RAB38: variants seen among roughly 807,000 people sequenced by gnomAD.
RAB38 encodes ras-related protein Rab-38.
In RAB38, 15 loss-of-function variants were observed where a neutral mutation model predicts 18.4. That is an observed-to-expected ratio of 0.82 (90% CI 0.55 to 1.26). The LOEUF (loss-of-function observed/expected upper bound fraction) is 1.26, where lower values mean the gene tolerates loss of function less well. RAB38 is among the 50% of genes most tolerant of loss of function. The probability of loss-of-function intolerance (pLI) is 0.00; values close to 1 mark genes in which losing one functional copy is unlikely to be tolerated. For synonymous variants in RAB38, 101 were observed against 104.4 expected, an observed-to-expected ratio of 0.97 and a Z score of 0.20; for missense variants, 294 against 267.4, an observed-to-expected ratio of 1.10 and a Z score of -0.69.
chr11:88,167,933 G>A (rs1414431898), intron 1 of RAB38, among the ~76,000 whole-genome samples: 1 of 152,152 alleles, frequency 6.6e-6, no homozygotes, highest in Non-Finnish European at 1.5e-5. Context: ...ATCTAAGAAA[G>A]TAACATAAAT....
chr11:88,031,484 T>C, the RAB38 span, among the ~76,000 whole-genome samples: 3 of 151,956 alleles, frequency 2.0e-5, no homozygotes, highest in Non-Finnish European at 4.4e-5. Context: ...AAAACCCCAT[T>C]GTCTCAGCCC....
chr11:88,132,640 G>A (rs1342728264), intron 2 of RAB38, among the ~76,000 whole-genome samples: 2 of 151,912 alleles, frequency 1.3e-5, no homozygotes, highest in African/African-American at 4.8e-5. Flanking sequence ...TGTATTTTTA[G>A]TAGAGATGGG....
chr11:87,951,175 C>T, the RAB38 span, among the ~76,000 whole-genome samples: 1 of 152,222 alleles, frequency 6.6e-6, no homozygotes, highest in Non-Finnish European at 1.5e-5. Flanking sequence ...CAGTTGATCG[C>T]ATCGGCTCCT....
chr11:87,927,215 C>G, the RAB38 span, among the ~76,000 whole-genome samples: 1 of 151,974 alleles, frequency 6.6e-6, no homozygotes, highest in Non-Finnish European at 1.5e-5. Flanking sequence ...TGGCTGTGAG[C>G]TACCTGCAGG....
the RAB38 span, among the ~76,000 whole-genome samples, chr11:87,976,310 A>T: frequency 7.1e-6 from 1 of 140,358 alleles, no homozygotes; most frequent in Admixed American, 7.3e-5. Flanking sequence ...ATATATATAC[A>T]CATATACCAG....
At chr11:87,894,915 A>G in the RAB38 span, among the ~76,000 whole-genome samples, 1 of 151,586 alleles carries the variant, frequency 6.6e-6, no homozygotes, top group Admixed American at 6.6e-5. Context: ...ACTGGGAAGA[A>G]GAAAGGATTA....
the RAB38 span, among the ~76,000 whole-genome samples, chr11:87,966,972 C>G: frequency 6.6e-6 from 1 of 152,226 alleles, no homozygotes; most frequent in Non-Finnish European, 1.5e-5. Flanking sequence ...CCTGTGGAAG[C>G]CTGCCTGGCT....
the RAB38 span, among the ~76,000 whole-genome samples, chr11:88,021,139 A>G: frequency 1.3e-5 from 2 of 152,162 alleles, no homozygotes; most frequent in Non-Finnish European, 2.9e-5. Context: ...AGAAAGTAAT[A>G]CAAAAGATCA....
At chr11:87,845,228 G>T in the RAB38 span, among the ~76,000 whole-genome samples, 2 of 151,986 alleles carry the variant, frequency 1.3e-5, no homozygotes, top group Non-Finnish European at 2.9e-5. Context: ...GAAAATAAAA[G>T]CAAAAGATAG....
chr11:87,858,996 A>G, the RAB38 span, among the ~76,000 whole-genome samples: 1 of 151,922 alleles, frequency 6.6e-6, no homozygotes, highest in East Asian at 1.9e-4. Context: ...CAGACTTAGA[A>G]TAAATAAAAA....
chr11:87,958,257 G>T, the RAB38 span, among the ~76,000 whole-genome samples: 1 of 152,128 alleles, frequency 6.6e-6, no homozygotes, highest in Non-Finnish European at 1.5e-5. Flanking sequence ...ATATAAGTAG[G>T]CTCGGCTAAG....
At chr11:88,061,911 T>A in the RAB38 span, 8 of 152,224 alleles carry the variant, frequency 5.3e-5, no homozygotes. Context: ...CAGTCTACCC[T>A]GAAATAGGGT....
chr11:87,814,969 G>A, the RAB38 span: 996 of 152,282 alleles, frequency 6.5e-3, 5 homozygotes, highest in Middle Eastern at 0.048. Flanking sequence ...TCCTGACCTC[G>A]TGATCCGCCC....
At chr11:88,078,288 A>G in the RAB38 span, among the ~76,000 whole-genome samples, 2 of 152,006 alleles carry the variant, frequency 1.3e-5, no homozygotes, top group African/African-American at 4.8e-5. Context: ...TAAAATTACC[A>G]TATGATCCAT....
chr11:88,026,698 T>C, the RAB38 span, among the ~76,000 whole-genome samples: 8 of 151,446 alleles, frequency 5.3e-5, no homozygotes, highest in Admixed American at 2.6e-4. Context: ...AAAATTCTTA[T>C]AGGAAAAGTG....
chr11:87,905,730 C>T, the RAB38 span, among the ~76,000 whole-genome samples: 2 of 151,820 alleles, frequency 1.3e-5, no homozygotes, highest in Admixed American at 6.6e-5. Flanking sequence ...ATCCTTTGCC[C>T]AGCATTTTCA....
chr11:87,909,930 G>A, the RAB38 span, among the ~76,000 whole-genome samples: 1 of 151,956 alleles, frequency 6.6e-6, no homozygotes, highest in Non-Finnish European at 1.5e-5. Flanking sequence ...AACACGGAGT[G>A]GAATAGCTAA....
chr11:88,117,079 G>A (rs1942563970), intron 2 of RAB38, among the ~76,000 whole-genome samples: 1 of 152,204 alleles, frequency 6.6e-6, no homozygotes, highest in Non-Finnish European at 1.5e-5. Flanking sequence ...ATTAGGCCTA[G>A]GAGAGCGGAC....
rs35257653 is a variant in RAB38 at position 88,121,188 on chromosome 11, C to T, written c.484-7048G>A. ...CCACCTCCATTGACACCACTACATC[C>T]TAACTGCCTGTTGCCTGTGTCCTTG... On this transcript the variant is annotated intron_variant, in intron 2 of 2. Transcript: ENST00000243662. Among the ~76,000 whole-genome samples, 1,523 of 152,306 alleles carry T rather than the reference C, an allele frequency of 1.0e-2. 22 individuals carry two copies. The highest frequency in any genetic ancestry group is 0.034 in the African/African-American group (1,425 of 41,564).
Sources: allele counts gnomAD v4.1 joint callset (sites outside exome capture counted in the v4.1 genomes callset), GRCh38; gene constraint gnomAD v4.1.1; transcripts MANE v1.5; gene names NCBI Gene and HGNC (gene_info 2026-07-23, HGNC 2026-07-21).